The following KLHL1 variants were observed in gnomAD, a reference collection of about 807,000 sequenced individuals.
KLHL1 encodes the protein kelch-like protein 1.
Under a neutral mutation model 77.7 loss-of-function variants are expected in KLHL1, and 47 were observed. The ratio of observed to expected loss-of-function variants is 0.60; its 90% confidence interval spans 0.48 to 0.77. KLHL1 has a LOEUF of 0.77. KLHL1 is among the 30% of genes least tolerant of loss of function. The pLI is 0.00. For missense variants in KLHL1, 925 were observed against 910.8 expected (o/e 1.02, Z -0.20); for synonymous variants, 360 against 325.2 (o/e 1.11, Z -1.15).
At chr13:69,799,855 G>A (rs7339380) in intron 6 of KLHL1, among the ~76,000 whole-genome samples, 7,294 of 152,196 alleles carry the variant, frequency 0.048, 327 homozygotes, top group African/African-American at 0.12. Flanking sequence ...CGCACAGCAG[G>A]AGGTGAGCGG....
chr13:69,938,699 T>G (rs910396852), intron 4 of KLHL1, among the ~76,000 whole-genome samples: 1 of 152,108 alleles, frequency 6.6e-6, no homozygotes, highest in Non-Finnish European at 1.5e-5. Flanking sequence ...TTTGCTATGG[T>G]TCACATAATT....
chr13:70,063,880 G>A (rs569507455), intron 1 of KLHL1, among the ~76,000 whole-genome samples: 6 of 152,118 alleles, frequency 3.9e-5, no homozygotes, highest in African/African-American at 9.6e-5. Flanking sequence ...ATATTTATAG[G>A]TGTGTTTATA....
chr13:69,958,871 T>C (rs1160792176), intron 3 of KLHL1, among the ~76,000 whole-genome samples: 1 of 152,042 alleles, frequency 6.6e-6, no homozygotes, highest in African/African-American at 2.4e-5. Context: ...ATCTGTCAGC[T>C]GGTGAGTTAG....
At chr13:70,013,840 T>C (rs1325442371) in intron 1 of KLHL1, among the ~76,000 whole-genome samples, 1 of 152,162 alleles carries the variant, frequency 6.6e-6, no homozygotes, top group African/African-American at 2.4e-5. Flanking sequence ...AGCTTTTACA[T>C]GTAGTAAAAT....
intron 5 of KLHL1, among the ~76,000 whole-genome samples, chr13:69,847,840 GT>G (rs1284059422): frequency 6.6e-6 from 1 of 151,456 alleles, no homozygotes; most frequent in East Asian, 1.9e-4. Flanking sequence ...TGCCTTTCAA[GT>G]TTTGTGCATG....
At chr13:69,721,683 A>T (rs566906987) in intron 8 of KLHL1, among the ~76,000 whole-genome samples, 2 of 152,178 alleles carry the variant, frequency 1.3e-5, no homozygotes, top group African/African-American at 4.8e-5. Context: ...TGATATGTAA[A>T]ATTATTTTAA....
intron 5 of KLHL1, among the ~76,000 whole-genome samples, chr13:69,850,932 C>G (rs1011872105): frequency 1.3e-4 from 19 of 151,530 alleles, no homozygotes; most frequent in African/African-American, 4.6e-4. Flanking sequence ...CTGACTGACT[C>G]CTAGTTTTAC....
rs185921441 is a variant in KLHL1 at position 69,984,200 on chromosome 13, G to A, written c.498-8398C>T. On this transcript the variant is annotated intron_variant, in intron 1 of 10. Coordinates refer to ENST00000377844, the MANE Select transcript of KLHL1 (RefSeq NM_020866.3). ...AAAAGAAATTATTTAGGCAGATAGT[G>A]AGGGTACGGATGTCCTTGGTAAGGT... 1.6e-4 allele frequency among the ~76,000 whole-genome samples: 24 copies of A among 152,252 alleles called. No homozygotes were observed. The East Asian group carries it at 2.5e-3, about 16-fold the overall frequency.
intron 3 of KLHL1, among the ~76,000 whole-genome samples, chr13:69,955,734 T>C (rs545202250): frequency 6.6e-6 from 1 of 150,552 alleles, no homozygotes; most frequent in East Asian, 1.9e-4. Context: ...TTATAGTTTT[T>C]CTTTTCCTTT....
chr13:69,966,783 T>C (rs955056253), intron 2 of KLHL1, among the ~76,000 whole-genome samples: 1 of 152,062 alleles, frequency 6.6e-6, no homozygotes, highest in Non-Finnish European at 1.5e-5. Context: ...CTCTTCTGGA[T>C]CTCCATTATC....
intron 2 of KLHL1, among the ~76,000 whole-genome samples, chr13:69,968,326 A>G (rs1566456131): frequency 6.6e-6 from 1 of 150,902 alleles, no homozygotes; most frequent in East Asian, 1.9e-4. Context: ...ATGTAAATAG[A>G]ACTGATATAT....
chr13:70,027,863 C>T (rs983276134), intron 1 of KLHL1, among the ~76,000 whole-genome samples: 1 of 151,980 alleles, frequency 6.6e-6, no homozygotes, highest in Non-Finnish European at 1.5e-5. Context: ...CCACTCCATG[C>T]ACAGTTAATT....
chr13:69,864,378 T>C (rs764588618), intron 5 of KLHL1, among the ~76,000 whole-genome samples: 4 of 152,072 alleles, frequency 2.6e-5, no homozygotes, highest in East Asian at 3.9e-4. Flanking sequence ...TTGATATATA[T>C]GTACATGAAT....
chr13:69,913,731 C>G (rs1160921666), intron 4 of KLHL1, among the ~76,000 whole-genome samples: 1 of 152,206 alleles, frequency 6.6e-6, no homozygotes, highest in Non-Finnish European at 1.5e-5. Context: ...ATTGTAGTTA[C>G]TATTTACACT....
intron 3 of KLHL1, among the ~76,000 whole-genome samples, chr13:69,960,471 A>G (rs1341715374): frequency 6.6e-6 from 1 of 151,976 alleles, no homozygotes; most frequent in African/African-American, 2.4e-5. Context: ...TTCTTTCACA[A>G]GATTTTATGT....
At chr13:69,797,212 T>C (rs1045692016) in intron 6 of KLHL1, among the ~76,000 whole-genome samples, 7 of 152,216 alleles carry the variant, frequency 4.6e-5, no homozygotes, top group African/African-American at 1.7e-4. Flanking sequence ...TGCTAAACTA[T>C]TGATTCTATA....
At chr13:69,807,357 C>T (rs1374961622) in intron 6 of KLHL1, among the ~76,000 whole-genome samples, 1 of 152,014 alleles carries the variant, frequency 6.6e-6, no homozygotes, top group Non-Finnish European at 1.5e-5. Flanking sequence ...GCTGCCTAGC[C>T]AAGAAGGGAC....
At chr13:69,832,606 C>G (rs117351956) in intron 6 of KLHL1, among the ~76,000 whole-genome samples, 1 of 135,838 alleles carries the variant, frequency 7.4e-6, no homozygotes, top group Non-Finnish European at 1.6e-5. Context: ...CTAAACCTCA[C>G]GTGGAATCAA....
At chr13:69,971,459 T>C (rs1283088537) in intron 2 of KLHL1, among the ~76,000 whole-genome samples, 1 of 152,056 alleles carries the variant, frequency 6.6e-6, no homozygotes, top group Non-Finnish European at 1.5e-5. Flanking sequence ...TATGGTTTAA[T>C]TTCCCAGTTA....
Sources: gnomAD v4.1 joint callset for allele counts (sites outside exome capture counted in the v4.1 genomes callset) on GRCh38, gnomAD v4.1.1 for gene constraint, MANE v1.5 for transcripts, NCBI Gene and HGNC (gene_info 2026-07-23, HGNC 2026-07-21) for gene names.